Variants in POU6F2 observed in about 807,000 individuals in gnomAD.
POU6F2 encodes the protein POU domain, class 6, transcription factor 2.
POU6F2 carries 31 observed loss-of-function variants against 71.3 expected under a neutral mutation model. The ratio of observed to expected loss-of-function variants is 0.43; its 90% CI spans 0.33 to 0.59. The LOEUF (loss-of-function observed/expected upper bound fraction) is 0.59. Ranked by LOEUF, POU6F2 falls within the 20% of genes least tolerant of loss-of-function variation. The probability of loss-of-function intolerance (pLI) is 0.04; values close to 1 mark genes in which losing one functional copy is unlikely to be tolerated. For missense variants in POU6F2, 783 were observed against 856.8 expected (o/e 0.91, Z 1.07); for synonymous variants, 347 against 355.7 (o/e 0.98, Z 0.27).
At chr7:39,329,765 T>C (rs573723269) in intron 4 of POU6F2, among the ~76,000 whole-genome samples, 1 of 152,292 alleles carries the variant, frequency 6.6e-6, no homozygotes, top group East Asian at 1.9e-4. Flanking sequence ...CCTCCTGGTT[T>C]TTCTTGGGAG....
chr7:39,046,858 T>C (rs1165999756), intron 1 of POU6F2, among the ~76,000 whole-genome samples: 1 of 151,916 alleles, frequency 6.6e-6, no homozygotes, highest in Non-Finnish European at 1.5e-5. Context: ...TATGGTCTAT[T>C]TTGAGTTTAT....
intron 4 of POU6F2, among the ~76,000 whole-genome samples, chr7:39,315,976 A>G (rs942115859): frequency 6.6e-6 from 1 of 152,168 alleles, no homozygotes; most frequent in Non-Finnish European, 1.5e-5. Flanking sequence ...TTAAGATGAG[A>G]GAAGTTGGTT....
intron 1 of POU6F2, among the ~76,000 whole-genome samples, chr7:39,079,180 CTTTTT>C (rs1162865518): frequency 2.5e-5 from 2 of 79,326 alleles, no homozygotes; most frequent in African/African-American, 1.1e-4. Flanking sequence ...CTCACAATAT[CTTTTT>C]TTTTTTTTTT....
intron 6 of POU6F2, among the ~76,000 whole-genome samples, chr7:39,408,748 A>G (rs550991677): frequency 1.3e-5 from 2 of 152,364 alleles, no homozygotes; most frequent in African/African-American, 4.8e-5. Context: ...CCTAGTGCAG[A>G]AACAGTTCAA....
intron 2 of POU6F2, among the ~76,000 whole-genome samples, chr7:39,179,248 T>C (rs1391509328): frequency 6.6e-6 from 1 of 152,218 alleles, no homozygotes; most frequent in Non-Finnish European, 1.5e-5. Flanking sequence ...TGGAACAGCA[T>C]AATCCTTAAG....
At chr7:39,403,125 C>A (rs114413789) in intron 5 of POU6F2, among the ~76,000 whole-genome samples, 2 of 152,326 alleles carry the variant, frequency 1.3e-5, no homozygotes, top group African/African-American at 4.8e-5. Flanking sequence ...ATGCCCTCAG[C>A]TGCATTAATG....
chr7:39,459,478 G>GTT (rs1029840236), intron 8 of POU6F2, among the ~76,000 whole-genome samples: 2 of 151,902 alleles, frequency 1.3e-5, no homozygotes, highest in African/African-American at 4.8e-5. Context: ...GTTTTGTTTT[G>GTT]TTTTGTTTTG....
chr7:39,230,178 T>C (rs1794548956), intron 4 of POU6F2, among the ~76,000 whole-genome samples: 2 of 152,128 alleles, frequency 1.3e-5, no homozygotes, highest in African/African-American at 4.8e-5. Context: ...TCCCACAAGA[T>C]CTACAAGAAG....
At chr7:39,136,505 G>T (rs1792391761) in intron 2 of POU6F2, among the ~76,000 whole-genome samples, 1 of 152,172 alleles carries the variant, frequency 6.6e-6, no homozygotes, top group Admixed American at 6.5e-5. Context: ...CAGTGGGAAT[G>T]TTAAAGAACT....
intron 7 of POU6F2, 114 bp from the exon 8 acceptor site, chr7:39,451,419 A>G (rs1788656690): frequency 1.7e-6 from 2 of 1,154,832 alleles, no homozygotes; most frequent in Non-Finnish European, 2.4e-6. Context: ...CTTCCTGAGA[A>G]GTATATATTC....
rs201463016 is a variant in POU6F2 at position 39,406,583 on chromosome 7, C to G, written c.973-17C>G. ...GCCTCTCGGTGGTTTTCACGGTGAT[C>G]TTTTCTCTCTTTGCAGCTGGTTAAT... On this transcript the variant is annotated splice_polypyrimidine_tract_variant and intron_variant, in intron 5 of 9. Coordinates refer to ENST00000518318, the MANE Select transcript of POU6F2 (RefSeq NM_001370959.1). The G allele has an allele frequency of 6.2e-7, 1 of 1,603,178 alleles. No homozygotes were observed. The highest frequency in any genetic ancestry group is 1.7e-5 in the Admixed American group (1 of 59,032).
intron 6 of POU6F2, among the ~76,000 whole-genome samples, chr7:39,429,670 C>T (rs1239090551): frequency 6.6e-6 from 1 of 152,186 alleles, no homozygotes; most frequent in Non-Finnish European, 1.5e-5. Flanking sequence ...ACAGGAGTCA[C>T]AGCCTAGTTG....
At chr7:38,993,646 A>ACACACG (rs1379408807) in intron 1 of POU6F2, among the ~76,000 whole-genome samples, 7 of 150,496 alleles carry the variant, frequency 4.7e-5, no homozygotes, top group South Asian at 2.1e-4. Flanking sequence ...ACACACACAC[A>ACACACG]CATCAGTGGT....
intron 2 of POU6F2, among the ~76,000 whole-genome samples, chr7:39,102,244 C>T (rs1454525621): frequency 2.0e-5 from 3 of 152,100 alleles, no homozygotes; most frequent in African/African-American, 7.2e-5. Flanking sequence ...AAGTGTGTCC[C>T]CAGTTGCTCT....
rs192559142 is a variant in POU6F2 at position 39,138,002 on chromosome 7, A to G, written c.277+51971A>G. Among the ~76,000 whole-genome samples the G allele has an allele frequency of 1.8e-3, 273 of 152,336 alleles. 1 individual carries two copies. The highest frequency in any genetic ancestry group is 6.2e-3 in the African/African-American group (257 of 41,580). ...TCTGGTGGGTGTCATCATGTGTATT[A>G]CAGGAATTGGGGGTCTGTAAGATTT... On this transcript the variant is annotated intron_variant, in intron 2 of 9. Coordinates refer to ENST00000518318, the MANE Select transcript of POU6F2 (RefSeq NM_001370959.1).
At chr7:39,454,606 T>C (rs1788739179) in intron 8 of POU6F2, among the ~76,000 whole-genome samples, 1 of 137,630 alleles carries the variant, frequency 7.3e-6, no homozygotes, top group African/African-American at 2.6e-5. Flanking sequence ...GTTAGGAAAT[T>C]ATAAGAGTCT....
chr7:39,293,120 G>A (rs913519439), intron 4 of POU6F2, among the ~76,000 whole-genome samples: 19 of 152,102 alleles, frequency 1.2e-4, no homozygotes, highest in African/African-American at 4.6e-4. Context: ...GCTGTTAGCC[G>A]CTTCACAAAG....
chr7:39,015,907 ATT>A (rs1491451098), intron 1 of POU6F2, among the ~76,000 whole-genome samples: 1 of 42,314 alleles, frequency 2.4e-5, no homozygotes, highest in African/African-American at 9.6e-5. Context: ...ATAGATATAT[ATT>A]ATATATTATA....
At chr7:39,136,283 A>G (rs1043041102) in intron 2 of POU6F2, among the ~76,000 whole-genome samples, 1 of 152,202 alleles carries the variant, frequency 6.6e-6, no homozygotes, top group African/African-American at 2.4e-5. Flanking sequence ...TTGAAAAGTA[A>G]ATTATTAGGG....
Sources: gnomAD v4.1 joint callset for allele counts (sites outside exome capture counted in the v4.1 genomes callset) on GRCh38, gnomAD v4.1.1 for gene constraint, MANE v1.5 for transcripts, NCBI Gene and HGNC (gene_info 2026-07-23, HGNC 2026-07-21) for gene names.